The following MCC variants were observed in gnomAD, a reference collection of about 807,000 sequenced individuals.
MCC encodes colorectal mutant cancer protein.
In MCC, 90 loss-of-function variants were observed where a neutral mutation model predicts 116.2. The observed-to-expected ratio is 0.77, with a 90% CI of 0.65 to 0.92. MCC has a LOEUF of 0.92. Among genes scored for constraint, MCC ranks in the 40% least tolerant of loss-of-function variants. MCC has a pLI of 0.00. For missense variants in MCC, 1,516 were observed against 1,312.2 expected, an observed-to-expected ratio of 1.16 and a Z score of -2.40; for synonymous variants, 578 against 510.5, an observed-to-expected ratio of 1.13 and a Z score of -1.78.
chr5:113,297,749 CAAAA>C (rs57148050), intron 3 of MCC, among the ~76,000 whole-genome samples: 1,506 of 60,570 alleles, frequency 0.025, 12 homozygotes, highest in African/African-American at 0.078. Context: ...GACTCTGTCT[CAAAA>C]AAAAAAAAAA....
intron 14 of MCC, among the ~76,000 whole-genome samples, chr5:113,058,786 A>G (rs1159249582): frequency 6.6e-6 from 1 of 152,262 alleles, no homozygotes; most frequent in Non-Finnish European, 1.5e-5. Flanking sequence ...AGGATACGGC[A>G]GGCCCTGAAG....
intron 11 of MCC, among the ~76,000 whole-genome samples, chr5:113,079,244 T>C (rs75980516): frequency 0.51 from 77,576 of 152,106 alleles, 22,631 homozygotes; most frequent in East Asian, 0.68. Context: ...AGGCAATTTA[T>C]AGATTCAATG....
intron 14 of MCC, among the ~76,000 whole-genome samples, chr5:113,061,018 C>T (rs911589924): frequency 6.6e-5 from 10 of 152,212 alleles, no homozygotes; most frequent in Non-Finnish European, 1.3e-4. Context: ...ATTTCACTCT[C>T]CTCAACCATT....
Position 113,322,143 on chromosome 5 carries a change from T to A in MCC, c.627+18376A>T, listed in dbSNP as rs1297942644. Among the ~76,000 whole-genome samples the A allele has an allele frequency of 2.0e-5, 3 of 152,294 alleles. No individual in the cohort carries two copies. The Middle Eastern group carries it at 0.01, about 518-fold the overall frequency. ...CACCGCACCTGGCCCATGATTTGTATTTCTAACAAGCTCCAAGGTGGTGTG... is the reference window on the plus strand; with the variant it reads ...CACCGCACCTGGCCCATGATTTGTAATTCTAACAAGCTCCAAGGTGGTGTG... On this transcript the variant is annotated intron_variant, in intron 3 of 18. Coordinates refer to ENST00000408903, the MANE Select transcript of MCC (RefSeq NM_001085377.2).
intron 3 of MCC, among the ~76,000 whole-genome samples, chr5:113,237,466 A>G (rs1764174450): frequency 6.6e-6 from 1 of 152,212 alleles, no homozygotes. Flanking sequence ...ATTTTTATGG[A>G]AAAACCTAAA....
chr5:113,028,822 G>C, intron 18 of MCC, 112 bp downstream of exon 18: 1 of 1,302,212 alleles, frequency 7.7e-7, no homozygotes, highest in Non-Finnish European at 1.1e-6. Context: ...TCTAGAGTTA[G>C]TTCTTAAGAG....
chr5:113,066,083 T>C (rs923858028), intron 13 of MCC, among the ~76,000 whole-genome samples: 3 of 152,242 alleles, frequency 2.0e-5, no homozygotes, highest in Admixed American at 1.3e-4. Flanking sequence ...GCTCATATTA[T>C]AAATGTATAC....
intron 3 of MCC, among the ~76,000 whole-genome samples, chr5:113,167,144 C>A (rs116567475): frequency 6.6e-6 from 1 of 152,038 alleles, no homozygotes; most frequent in Non-Finnish European, 1.5e-5. Flanking sequence ...CCAATAGATG[C>A]GCTGTGGCAA....
At chr5:113,076,078 A>G (rs1418741285) in intron 11 of MCC, among the ~76,000 whole-genome samples, 1 of 152,192 alleles carries the variant, frequency 6.6e-6, no homozygotes, top group Non-Finnish European at 1.5e-5. Flanking sequence ...TAAGAACTGT[A>G]ACACTCACTG....
chr5:113,243,714 T>G (rs1286124019), intron 3 of MCC, among the ~76,000 whole-genome samples: 1 of 148,352 alleles, frequency 6.7e-6, no homozygotes, highest in Non-Finnish European at 1.5e-5. Flanking sequence ...CTCAATTGCC[T>G]CCTGAACGAA....
intron 3 of MCC, among the ~76,000 whole-genome samples, chr5:113,190,113 C>G (rs2150313263): frequency 6.6e-6 from 1 of 152,334 alleles, no homozygotes; most frequent in South Asian, 2.1e-4. Flanking sequence ...TATAAGGTCC[C>G]CTTATTTCCT....
chr5:113,203,698 G>A (rs914245783), intron 3 of MCC, among the ~76,000 whole-genome samples: 1 of 152,074 alleles, frequency 6.6e-6, no homozygotes, highest in African/African-American at 2.4e-5. Flanking sequence ...AAAAAACAAC[G>A]CTGGATCTTA....
chr5:113,206,053 T>A (rs1212907195), intron 3 of MCC, among the ~76,000 whole-genome samples: 1 of 152,234 alleles, frequency 6.6e-6, no homozygotes, highest in Non-Finnish European at 1.5e-5. Flanking sequence ...GCTACACCAC[T>A]GGACAACTCA....
chr5:113,201,181 T>C (rs1306949036), intron 3 of MCC, among the ~76,000 whole-genome samples: 1 of 152,002 alleles, frequency 6.6e-6, no homozygotes, highest in Admixed American at 6.6e-5. Flanking sequence ...AGGTCGGGAA[T>C]TTGGGACCAG....
At chr5:113,220,705 CA>C (rs1468918925) in intron 3 of MCC, among the ~76,000 whole-genome samples, 1 of 152,274 alleles carries the variant, frequency 6.6e-6, no homozygotes, top group Admixed American at 6.5e-5. Context: ...TTAGTCCTAA[CA>C]AAACAGTTTT....
At chr5:113,467,700 G>GT (rs891690581) in intron 1 of MCC, among the ~76,000 whole-genome samples, 2 of 152,130 alleles carry the variant, frequency 1.3e-5, no homozygotes, top group Admixed American at 6.6e-5. Context: ...GTTTAAAGTA[G>GT]TTTTTTCCAA....
intron 3 of MCC, among the ~76,000 whole-genome samples, chr5:113,276,227 AT>A (rs1236563651): frequency 1.3e-5 from 2 of 152,180 alleles, no homozygotes. Flanking sequence ...TTGTAAAGGC[AT>A]TCTTAAATAA....
chr5:113,241,994 A>T (rs531715967), intron 3 of MCC, among the ~76,000 whole-genome samples: 1 of 152,354 alleles, frequency 6.6e-6, no homozygotes, highest in African/African-American at 2.4e-5. Context: ...AGCAGAATAG[A>T]GAACGACCAA....
chr5:113,256,897 A>G (rs918677770), intron 3 of MCC, among the ~76,000 whole-genome samples: 2 of 152,190 alleles, frequency 1.3e-5, no homozygotes, highest in African/African-American at 4.8e-5. Flanking sequence ...AGCAAAACCC[A>G]TAAACCATTC....
Sources: gnomAD v4.1 joint callset for allele counts (sites outside exome capture counted in the v4.1 genomes callset) on GRCh38, gnomAD v4.1.1 for gene constraint, MANE v1.5 for transcripts, NCBI Gene and HGNC (gene_info 2026-07-23, HGNC 2026-07-21) for gene names.